TNNI3K: variants seen among roughly 807,000 people sequenced by gnomAD.
The protein encoded by TNNI3K is TNNI3 interacting kinase, also known as serine/threonine-protein kinase TNNI3K.
Under a neutral mutation model 114.5 loss-of-function variants are expected in TNNI3K, and 140 were observed. The ratio of observed to expected loss-of-function variants is 1.22; its 90% CI spans 1.07 to 1.41. The LOEUF (loss-of-function observed/expected upper bound fraction) is 1.41, where lower values mean the gene tolerates loss of function less well. TNNI3K is among the 40% of genes most tolerant of loss of function. The pLI, the probability that TNNI3K is intolerant of heterozygous loss-of-function variation, is 0.00. For synonymous variants in TNNI3K, 347 were observed against 347.5 expected (o/e 1.00, Z 0.02); for missense variants, 1,125 against 1,007.6 (o/e 1.12, Z -1.58).
At chr1:74,241,935 C>G (rs1425225885) in intron 2 of TNNI3K, among the ~76,000 whole-genome samples, 1 of 151,486 alleles carries the variant, frequency 6.6e-6, no homozygotes, top group Admixed American at 6.6e-5. Flanking sequence ...CTGCAAGCTC[C>G]GCCTCCTGGA....
At chr1:74,261,336 T>A (rs1655662351) in intron 4 of TNNI3K, among the ~76,000 whole-genome samples, 1 of 152,070 alleles carries the variant, frequency 6.6e-6, no homozygotes, top group Admixed American at 6.6e-5. Flanking sequence ...TAAGTATATA[T>A]TATACTTTGG....
At chr1:74,277,466 A>G (rs574790046) in intron 5 of TNNI3K, among the ~76,000 whole-genome samples, 49 of 152,336 alleles carry the variant, frequency 3.2e-4, no homozygotes, top group Non-Finnish European at 6.0e-4. Context: ...AAGCCCAAGC[A>G]TTACTACATA....
At chr1:74,488,225 G>A (rs975341870) in intron 21 of TNNI3K, among the ~76,000 whole-genome samples, 12 of 152,180 alleles carry the variant, frequency 7.9e-5, no homozygotes, top group African/African-American at 2.9e-4. Flanking sequence ...AGCAGTGACA[G>A]CAAGGAAGAC....
intron 17 of TNNI3K, among the ~76,000 whole-genome samples, chr1:74,418,499 G>A (rs936402142): frequency 6.6e-6 from 1 of 151,930 alleles, no homozygotes; most frequent in Non-Finnish European, 1.5e-5. Context: ...GATTTCAAAA[G>A]CATTGTCAAA....
At chr1:74,457,289 C>G (rs1667266574) in intron 20 of TNNI3K, among the ~76,000 whole-genome samples, 1 of 152,164 alleles carries the variant, frequency 6.6e-6, no homozygotes, top group South Asian at 2.1e-4. Flanking sequence ...TTTCATTACA[C>G]TGACAAAGAT....
chr1:74,517,184 G>T (rs1370209590), intron 23 of TNNI3K, among the ~76,000 whole-genome samples: 1 of 151,940 alleles, frequency 6.6e-6, no homozygotes, highest in African/African-American at 2.4e-5. Flanking sequence ...TCTTGTAGGG[G>T]TAACTCTTTA....
intron 5 of TNNI3K, among the ~76,000 whole-genome samples, chr1:74,278,695 A>G (rs1419894742): frequency 1.3e-5 from 2 of 152,180 alleles, no homozygotes; most frequent in African/African-American, 4.8e-5. Flanking sequence ...AATCATCACC[A>G]AAATCTAATT....
chr1:74,505,592 C>A (rs1190928270), intron 23 of TNNI3K, among the ~76,000 whole-genome samples: 1 of 152,140 alleles, frequency 6.6e-6, no homozygotes, highest in Non-Finnish European at 1.5e-5. Flanking sequence ...TCCATGTGGA[C>A]TATATCTAAA....
intron 21 of TNNI3K, among the ~76,000 whole-genome samples, chr1:74,482,137 G>A (rs188515980): frequency 1.2e-4 from 19 of 152,300 alleles, no homozygotes; most frequent in Non-Finnish European, 2.5e-4. Context: ...GATATGGGAT[G>A]AAGGAGGTTT....
At chr1:74,273,506 C>T (rs1283298972) in intron 5 of TNNI3K, among the ~76,000 whole-genome samples, 1 of 151,908 alleles carries the variant, frequency 6.6e-6, no homozygotes, top group African/African-American at 2.4e-5. Flanking sequence ...AAATTACAGA[C>T]TATGTCTTCA....
chr1:74,236,138 T>C lies in TNNI3K; in HGVS notation c.77T>C (p.Ile26Thr), dbSNP rs1653844435. 1 of 1,608,282 alleles carries C rather than the reference T, an allele frequency of 6.2e-7. No individual in the cohort carries two copies. The highest frequency in any genetic ancestry group is 1.3e-5 in the African/African-American group (1 of 74,602). Residue 26 changes from isoleucine (I) to threonine (T), a missense_variant, in exon 2 of 25, where the codon ATC (isoleucine) becomes ACC (threonine). By Grantham distance (89) the Ile-to-Thr change is moderately conservative. Transcript: ENST00000326637. ...AAAAAAGTCAGTGAATCATATGTTATCACAATAGAAAGATTAGAAGATGAC... is the reference window on the plus strand; with the variant it reads ...AAAAAAGTCAGTGAATCATATGTTACCACAATAGAAAGATTAGAAGATGAC... The part of the protein sequence containing the change: ...WKKKVSESYV[I>T]TIERLEDDLQ...
intron 9 of TNNI3K, among the ~76,000 whole-genome samples, chr1:74,351,362 G>T (rs960098814): frequency 2.0e-5 from 3 of 151,308 alleles, no homozygotes; most frequent in African/African-American, 7.3e-5. Flanking sequence ...GCTTCCCTTT[G>T]TGGGTAACCC....
chr1:74,525,705 G>T (rs1646495199), intron 23 of TNNI3K, among the ~76,000 whole-genome samples: 1 of 152,112 alleles, frequency 6.6e-6, no homozygotes, highest in Non-Finnish European at 1.5e-5. Context: ...GACCATGGAG[G>T]CCTGGATGTG....
rs1036540321 is a variant in TNNI3K, at chr1:74,352,196, C to T, written c.933-1070C>T. On this transcript the variant is annotated intron_variant, in intron 9 of 24. Transcript: ENST00000326637. ...AGTTTTCCTTCTAACAGTCAGGACC[C>T]TCAGCTGCAGGTCTGTTGGAGTTTA... is the stretch of plus-strand genomic sequence containing the variant. Among the ~76,000 whole-genome samples, 70 of 152,302 alleles carry T rather than the reference C, an allele frequency of 4.6e-4. 1 individual carries two copies. The highest frequency in any genetic ancestry group is 3.5e-3 in the East Asian group (18 of 5,178).
intron 5 of TNNI3K, among the ~76,000 whole-genome samples, chr1:74,297,383 G>C (rs1375191381): frequency 6.6e-6 from 1 of 152,154 alleles, no homozygotes; most frequent in South Asian, 2.1e-4. Flanking sequence ...TAAGATCATA[G>C]TAGTGGAGCC....
At chr1:74,238,407 A>G (rs965818539) in intron 2 of TNNI3K, among the ~76,000 whole-genome samples, 10 of 152,078 alleles carry the variant, frequency 6.6e-5, no homozygotes, top group African/African-American at 2.4e-4. Context: ...GGCCCAACCC[A>G]TAGTAAGCAT....
At chr1:74,426,682 C>T (rs968296214) in intron 17 of TNNI3K, among the ~76,000 whole-genome samples, 4 of 151,994 alleles carry the variant, frequency 2.6e-5, no homozygotes, top group African/African-American at 9.7e-5. Context: ...TTTTAACATG[C>T]AGAGATGGAC....
Position 74,247,382 on chromosome 1 carries a change from C to T in TNNI3K, c.150-2077C>T, listed in dbSNP as rs559691747. On this transcript the variant is annotated intron_variant, in intron 2 of 24. Transcript: ENST00000326637. ...CTGCAGGCCTTCATGGTGAGTGTTA[C>T]AGCTTATAAAGGCAGTGCGGACCCA... 2.4e-4 allele frequency among the ~76,000 whole-genome samples: 36 copies of T among 152,272 alleles called. 1 individual carries two copies. In the South Asian group the frequency reaches 7.0e-3, roughly 30 times the overall value.
intron 17 of TNNI3K, among the ~76,000 whole-genome samples, chr1:74,404,263 T>A (rs1020275173): frequency 3.3e-5 from 5 of 152,130 alleles, no homozygotes; most frequent in African/African-American, 9.7e-5. Context: ...CCCACAACCT[T>A]AGGAAATATT....
Sources: gnomAD v4.1 joint callset for allele counts (sites outside exome capture counted in the v4.1 genomes callset) on GRCh38, gnomAD v4.1.1 for gene constraint, MANE v1.5 for transcripts, NCBI Gene and HGNC (gene_info 2026-07-23, HGNC 2026-07-21) for gene names.